Variants in CGAS observed in about 807,000 individuals in gnomAD.
CGAS encodes 2'3'-cGAMP synthase.
Under a neutral mutation model 34.0 loss-of-function variants are expected in CGAS, and 31 were observed. The ratio of observed to expected loss-of-function variants is 0.91; its 90% confidence interval spans 0.69 to 1.23. The LOEUF is 1.23. Among genes scored for constraint, CGAS ranks in the 50% most tolerant of loss-of-function variants. The pLI is 0.00. For synonymous variants in CGAS, 266 were observed against 260.0 expected (o/e 1.02, Z -0.22); for missense variants, 597 against 657.6 (o/e 0.91, Z 1.01).
chr6:73,443,172 A>G (rs1035060408), intron 2 of CGAS, among the ~76,000 whole-genome samples: 1 of 148,036 alleles, frequency 6.8e-6, no homozygotes, highest in Non-Finnish European at 1.5e-5. Context: ...CATTCCAAAC[A>G]CTGACCGCTC....
intron 3 of CGAS, among the ~76,000 whole-genome samples, chr6:73,429,808 A>G (rs1023755447): frequency 1.3e-5 from 2 of 152,040 alleles, no homozygotes; most frequent in East Asian, 1.9e-4. Flanking sequence ...CCTGGGCAAC[A>G]GCACAAGACT....
chr6:73,445,568 C>T lies in CGAS; in HGVS notation c.837G>A (p.Lys279=), dbSNP rs145562681. 1,897 of 1,607,176 alleles carry T rather than the reference C, an allele frequency of 1.2e-3. 34 individuals are homozygous for T. In the East Asian group the frequency reaches 0.027, roughly 23 times the overall value. The part of the protein sequence containing the change: ...EILSASKMLS[K]FRKIIKEEIN... ...TTTCTTCCTTAATGATTTTCCTAAA[C>T]TTTGACAGCATCTTAGAAGCTGATA... Residue 279 remains lysine, a synonymous_variant, in exon 2 of 5, where the codon AAG becomes AAA. Coordinates refer to ENST00000370315, the MANE Select transcript of CGAS (RefSeq NM_138441.3).
intron 3 of CGAS, among the ~76,000 whole-genome samples, chr6:73,433,133 A>C (rs921136820): frequency 6.6e-6 from 1 of 152,170 alleles, no homozygotes; most frequent in African/African-American, 2.4e-5. Context: ...TTACCTATGA[A>C]TAAATTAACA....
In CGAS at chr6:73,452,032, C is replaced by G. The variant is rs761478616; in HGVS notation, c.150G>C (p.Lys50Asn). The part of the protein sequence containing the change: ...APEAALPKAG[K>N]FGPARKSGSR... ...ATCCCGACTTCCTGGCGGGGCCGAA[C>G]TTTCCCGCCTTAGGCAGGGCGGCCT... The change falls in exon 1 of 5, where the codon AAG (lysine) becomes AAC (asparagine). Residue 50 changes from lysine (K) to asparagine (N), a missense_variant. Physicochemically the swap from Lys to Asn is moderately conservative, Grantham distance 94. This residue lies in a region of CGAS where 321 missense variants were observed against 314.3 expected (regional missense o/e 1.02). Transcript: ENST00000370315. The G allele has an allele frequency of 4.7e-6, 7 of 1,494,664 alleles. No homozygotes were observed. In the African/African-American group the frequency reaches 8.5e-5, roughly 18 times the overall value. 92.6% of individuals were successfully genotyped at this position (1,494,664 alleles called of 1,614,324 possible).
intron 3 of CGAS, among the ~76,000 whole-genome samples, chr6:73,429,299 C>A (rs1770142957): frequency 6.7e-6 from 1 of 149,734 alleles, no homozygotes; most frequent in Admixed American, 6.6e-5. Flanking sequence ...TACACTGAGA[C>A]AAAAAATGGG....
intron 4 of CGAS, among the ~76,000 whole-genome samples, chr6:73,426,603 C>T (rs1412291491): frequency 6.6e-6 from 1 of 151,210 alleles, no homozygotes; most frequent in African/African-American, 2.4e-5. Context: ...ACTGCAACCT[C>T]TGACCCTCCC....
rs1244729472 is a variant in CGAS at position 73,425,130 on chromosome 6, G to A, written c.*97C>T. On this transcript the variant is annotated 3_prime_UTR_variant, in exon 5 of 5. Coordinates refer to ENST00000370315, the MANE Select transcript of CGAS (RefSeq NM_138441.3). ...CGGCCTCCAAAGAGCTGGGATTACA[G>A]GTGTGAGCCACAGCGTCTGGCCCCT... The A allele has an allele frequency of 3.4e-6, 3 of 892,894 alleles. No homozygotes were observed. Among genetic ancestry groups the A allele is most frequent in the Non-Finnish European group, 5.0e-6 (3 of 602,432 alleles). The allele number at this position is 892,894 out of a possible 1,614,324, so 55.3% of individuals were successfully genotyped here.
chr6:73,440,485 C>A, intron 2 of CGAS, 40 bp from the exon 3 acceptor site: 1 of 1,480,708 alleles, frequency 6.8e-7, no homozygotes. Flanking sequence ...ATTTATTAAT[C>A]CAATTTTCTC....
At chr6:73,430,933 C>T (rs1770184923) in intron 3 of CGAS, among the ~76,000 whole-genome samples, 1 of 151,578 alleles carries the variant, frequency 6.6e-6, no homozygotes, top group African/African-American at 2.4e-5. Flanking sequence ...GAAACTCCGT[C>T]GCTACTAAAA....
intron 1 of CGAS, among the ~76,000 whole-genome samples, chr6:73,450,472 G>T (rs1044659223): frequency 6.6e-6 from 1 of 151,890 alleles, no homozygotes; most frequent in Non-Finnish European, 1.5e-5. Context: ...TCTCTTGCTG[G>T]GCAAGAAACA....
At chr6:73,427,416 C>T (rs1215609421) in intron 4 of CGAS, among the ~76,000 whole-genome samples, 1 of 152,004 alleles carries the variant, frequency 6.6e-6, no homozygotes, top group African/African-American at 2.4e-5. Flanking sequence ...TCTCTTGCCT[C>T]AGCCTCCTGA....
chr6:73,433,412 C>T (rs975603179), intron 3 of CGAS, among the ~76,000 whole-genome samples: 9 of 151,578 alleles, frequency 5.9e-5, no homozygotes, highest in African/African-American at 7.3e-5. Flanking sequence ...CACACCACCA[C>T]GCCTGGCTAA....
At chr6:73,446,349 A>T (rs981236614) in intron 1 of CGAS, among the ~76,000 whole-genome samples, 5 of 124,232 alleles carry the variant, frequency 4.0e-5, no homozygotes, top group African/African-American at 1.2e-4. Context: ...AAAAAAAAAA[A>T]TTTGTGTATG....
intron 3 of CGAS, among the ~76,000 whole-genome samples, chr6:73,431,752 C>T (rs1428352319): frequency 1.3e-5 from 2 of 152,138 alleles, no homozygotes; most frequent in African/African-American, 4.8e-5. Context: ...CAGACTGATC[C>T]AAACATACAA....
intron 1 of CGAS, among the ~76,000 whole-genome samples, chr6:73,446,324 C>T (rs1376573244): frequency 1.6e-5 from 1 of 60,810 alleles, no homozygotes; most frequent in Admixed American, 2.1e-4. Flanking sequence ...AGCAAGACTC[C>T]ATCTCAAAAA....
At chr6:73,426,199 C>T (rs1712346664) in intron 4 of CGAS, among the ~76,000 whole-genome samples, 1 of 151,548 alleles carries the variant, frequency 6.6e-6, no homozygotes, top group Non-Finnish European at 1.5e-5. Flanking sequence ...AGGAGAATCA[C>T]TTGAACCCAG....
chr6:73,425,689 A>G lies in CGAS; in HGVS notation c.1218-111T>C, dbSNP rs1437578728. The G allele has an allele frequency of 7.4e-5, 53 of 712,894 alleles. No individual in the cohort carries two copies. In the East Asian group the frequency reaches 1.5e-3, roughly 20 times the overall value. The allele number at this position is 712,894 out of a possible 1,614,324, so 44.2% of individuals were successfully genotyped here. A position where few individuals can be genotyped will look rare whatever the true frequency, so the allele number is the denominator to read the frequency against. On this transcript the variant is annotated intron_variant, in intron 4 of 4. Coordinates refer to ENST00000370315, the MANE Select transcript of CGAS (RefSeq NM_138441.3). ...AATAAAGATATATAATAACATAAAT[A>G]TAGGCCGGGCGTGGTGACACAACGC...
At position 73,430,541 on chromosome 6, in the gene CGAS, T is replaced by G. The variant is rs9442909; in HGVS notation, c.1115-1730A>C. Among the ~76,000 whole-genome samples the G allele has an allele frequency of 5.7e-3, 870 of 152,160 alleles. 7 individuals carry two copies. Among genetic ancestry groups the G allele is most frequent in the African/African-American group, 0.02 (833 of 41,524 alleles). ...ATATAGTCCCAGCTACTTGGGAGGC[T>G]GAGGCAGGAGAATCCCTTGAACCCG... On this transcript the variant is annotated intron_variant, in intron 3 of 4. Transcript: ENST00000370315.
At chr6:73,445,459 A>T in intron 2 of CGAS, 69 bp downstream of exon 2, 4 of 1,104,778 alleles carry the variant, frequency 3.6e-6, no homozygotes, top group South Asian at 1.6e-5. Flanking sequence ...GAAACATGAG[A>T]ATGGGAGTGT....
Sources: gnomAD v4.1 joint callset for allele counts (sites outside exome capture counted in the v4.1 genomes callset) on GRCh38, gnomAD v4.1.1 for gene constraint, gnomAD v4.1.1 regional missense constraint, MANE v1.5 for transcripts, NCBI Gene and HGNC (gene_info 2026-07-23, HGNC 2026-07-21) for gene names.